The following RGS20 variants were observed in gnomAD, a reference collection of about 807,000 sequenced individuals.
The protein encoded by RGS20 is regulator of G protein signaling 20, also known as gz-selective GTPase-activating protein.
A neutral mutation model predicts 33.6 loss-of-function variants in RGS20; 30 were observed. The ratio of observed to expected loss-of-function variants is 0.89; its 90% CI spans 0.67 to 1.21. RGS20 has a LOEUF of 1.21. RGS20 is among the 50% of genes most tolerant of loss of function. The pLI is 0.00. For synonymous variants in RGS20, 208 were observed against 197.9 expected (o/e 1.05, Z -0.43); for missense variants, 472 against 502.4 (o/e 0.94, Z 0.58).
intron 5 of RGS20, among the ~76,000 whole-genome samples, chr8:53,956,808 AT>A (rs901879943): frequency 1.3e-5 from 2 of 151,858 alleles, no homozygotes; most frequent in Non-Finnish European, 2.9e-5. Flanking sequence ...TTTTGTCATG[AT>A]TTTTTTTAAG....
intron 4 of RGS20, among the ~76,000 whole-genome samples, chr8:53,950,933 C>T (rs537094883): frequency 8.8e-4 from 134 of 152,210 alleles, no homozygotes; most frequent in African/African-American, 3.0e-3. Context: ...ACTTCTTCCC[C>T]ATACTAGCAG....
chr8:53,945,836 G>A (rs1362704594), intron 3 of RGS20, among the ~76,000 whole-genome samples: 1 of 151,664 alleles, frequency 6.6e-6, no homozygotes, highest in African/African-American at 2.4e-5. Context: ...GCAGTGAGCT[G>A]AGATTGCGCC....
rs186695963 is a variant in RGS20, at chr8:53,946,621, G to A, written c.660-44G>A. The A allele has an allele frequency of 2.1e-6, 3 of 1,462,170 alleles. No individual in the cohort carries two copies. The African/African-American group carries it at 4.2e-5, about 21-fold the overall frequency. 90.6% of individuals were successfully genotyped at this position (1,462,170 alleles called of 1,614,324 possible). A position where few individuals can be genotyped will look rare whatever the true frequency, so the allele number is the denominator to read the frequency against. On this transcript the variant is annotated intron_variant, in intron 3 of 5. Coordinates refer to ENST00000297313, the MANE Select transcript of RGS20 (RefSeq NM_170587.4). ...AAGTATTTGTAAAAAATCTTTTCTTGGCAGGGACTGAGCTGTCAACATGTG... is the reference window on the plus strand; with the variant it reads ...AAGTATTTGTAAAAAATCTTTTCTTAGCAGGGACTGAGCTGTCAACATGTG...
intron 2 of RGS20, among the ~76,000 whole-genome samples, chr8:53,882,662 T>A (rs1181435020): frequency 4.4e-5 from 6 of 135,804 alleles, no homozygotes; most frequent in Admixed American, 1.4e-4. Flanking sequence ...AAAAAAAAAA[T>A]GGCAAAAGCC....
intron 1 of RGS20, among the ~76,000 whole-genome samples, chr8:53,866,252 T>C (rs866478196): frequency 1.6e-4 from 24 of 152,118 alleles, no homozygotes; most frequent in African/African-American, 5.3e-4. Context: ...GACAGAAAGA[T>C]GGGTAGACAG....
intron 1 of RGS20, among the ~76,000 whole-genome samples, chr8:53,853,435 C>A (rs1811608644): frequency 1.3e-5 from 2 of 152,218 alleles, no homozygotes; most frequent in African/African-American, 4.8e-5. Flanking sequence ...GGCAGCCTAA[C>A]TTCTATCCTA....
At chr8:53,928,704 T>A (rs1001792748) in intron 2 of RGS20, among the ~76,000 whole-genome samples, 1 of 151,814 alleles carries the variant, frequency 6.6e-6, no homozygotes, top group Non-Finnish European at 1.5e-5. Context: ...ATGCCTGTAA[T>A]CCTAGCTACT....
chr8:53,914,037 C>CTCTTTTTTT (rs750558971), intron 2 of RGS20: 1 of 136,938 alleles, frequency 7.3e-6, no homozygotes, highest in African/African-American at 2.8e-5. Context: ...TCCAATCTCT[C>CTCTTTTTTT]TTTTTTTTTT....
At chr8:53,893,668 A>G (rs775274155) in intron 2 of RGS20, among the ~76,000 whole-genome samples, 27 of 152,190 alleles carry the variant, frequency 1.8e-4, no homozygotes, top group Non-Finnish European at 4.4e-5. Flanking sequence ...GAAATTTATC[A>G]AATTCTCACT....
At chr8:53,880,881 G>T (rs1049221832) in intron 2 of RGS20, 11 of 1,478,088 alleles carry the variant, frequency 7.4e-6, no homozygotes, top group African/African-American at 1.4e-5. Flanking sequence ...CAGAGCAAGG[G>T]GAGGAAGAGG....
intron 4 of RGS20, among the ~76,000 whole-genome samples, chr8:53,948,066 ATATT>A (rs1263009819): frequency 3.7e-5 from 5 of 134,818 alleles, no homozygotes; most frequent in South Asian, 2.3e-4. Flanking sequence ...TATAGTATAT[ATATT>A]TATATATGCT....
chr8:53,908,801 C>T (rs1190079516), intron 2 of RGS20, among the ~76,000 whole-genome samples: 3 of 151,898 alleles, frequency 2.0e-5, no homozygotes, highest in African/African-American at 7.2e-5. Context: ...GAGACCCTGT[C>T]TCAAGATAAA....
At chr8:53,947,783 A>G (rs1443961596) in intron 4 of RGS20, among the ~76,000 whole-genome samples, 1 of 116,288 alleles carries the variant, frequency 8.6e-6, no homozygotes, top group African/African-American at 3.0e-5. Flanking sequence ...AGGATATAGT[A>G]TATACATTTA....
intron 1 of RGS20, among the ~76,000 whole-genome samples, chr8:53,864,430 GAAAAA>G (rs754317203): frequency 1.2e-5 from 1 of 82,900 alleles, no homozygotes; most frequent in Non-Finnish European, 2.4e-5. Flanking sequence ...AAGACTCCAT[GAAAAA>G]AAAAAAAAAA....
intron 4 of RGS20, among the ~76,000 whole-genome samples, chr8:53,950,846 C>T (rs1326895391): frequency 6.6e-6 from 1 of 152,062 alleles, no homozygotes; most frequent in Non-Finnish European, 1.5e-5. Context: ...AACTCCTGAG[C>T]TCAAGTGATC....
At chr8:53,857,746 C>T (rs377280741) in intron 1 of RGS20, among the ~76,000 whole-genome samples, 3 of 151,096 alleles carry the variant, frequency 2.0e-5, no homozygotes, top group Admixed American at 6.6e-5. Context: ...TTCGGGATGC[C>T]AAGCCAGTAA....
In RGS20 at chr8:53,953,382, G is replaced by A. The variant is rs979571768; in HGVS notation, c.744-694G>A. 3.9e-5 allele frequency among the ~76,000 whole-genome samples: 6 copies of A among 152,156 alleles called. No homozygotes were observed. In the East Asian group the frequency reaches 5.8e-4, roughly 15 times the overall value. ...AAAGAATACAAAAAGTTAGCTGGGC[G>A]TGGTGGCACGTGCCTGCAGGGTCTG... is the stretch of plus-strand genomic sequence containing the variant. On this transcript the variant is annotated intron_variant, in intron 4 of 5. Transcript: ENST00000297313.
rs1335148949 is a variant in RGS20 at position 53,852,003 on chromosome 8, A to G, written c.104A>G (p.Asn35Ser). The G allele has an allele frequency of 1.2e-6, 2 of 1,614,176 alleles. No individual in the cohort carries two copies. The highest frequency in any genetic ancestry group is 1.1e-5 in the South Asian group (1 of 91,082). Residue 35 changes from asparagine to serine, a missense_variant, in exon 1 of 6, where the codon AAT (asparagine) becomes AGT (serine). Transcript: ENST00000297313. ...CCCCTGTTCAGGGCTCAGAGATATA[A>G]TACAGACATTCACCAAATCACAGAA...
chr8:53,884,191 CTT>C (rs4014055), intron 2 of RGS20, among the ~76,000 whole-genome samples: 54 of 103,470 alleles, frequency 5.2e-4, no homozygotes, highest in Non-Finnish European at 6.9e-4. Flanking sequence ...GAAAAACAGT[CTT>C]TTTTTTTTTT....
Sources: gnomAD v4.1 joint callset for allele counts (sites outside exome capture counted in the v4.1 genomes callset) on GRCh38, gnomAD v4.1.1 for gene constraint, MANE v1.5 for transcripts, NCBI Gene and HGNC (gene_info 2026-07-23, HGNC 2026-07-21) for gene names.